Variants in ELF2 observed in about 807,000 individuals in gnomAD.
ELF2 encodes the protein E74 like ETS transcription factor 2.
A neutral mutation model predicts 54.8 loss-of-function variants in ELF2; 11 were observed. The ratio of observed to expected loss-of-function variants is 0.20; its 90% CI spans 0.13 to 0.33. ELF2 has a LOEUF of 0.33. Among genes scored for constraint, ELF2 ranks in the 10% least tolerant of loss-of-function variants. The pLI is 1.00. For synonymous variants in ELF2, 203 were observed against 245.1 expected, an observed-to-expected ratio of 0.83 and a Z score of 1.61; for missense variants, 513 against 703.0, an observed-to-expected ratio of 0.73 and a Z score of 3.06.
intron 9 of ELF2, 46 bp from the exon 10 acceptor site, chr4:139,059,653 G>C (rs780645027): frequency 1.3e-6 from 2 of 1,561,660 alleles, no homozygotes; most frequent in East Asian, 2.2e-5. Flanking sequence ...AATGCCAACT[G>C]AGAAAATAGG....
intron 4 of ELF2, chr4:139,084,215 G>C (rs769446912): frequency 6.2e-7 from 1 of 1,612,606 alleles, no homozygotes; most frequent in Non-Finnish European, 8.5e-7. Flanking sequence ...TGGAGCTGCT[G>C]CTTCACATTG....
chr4:139,139,634 A>G, intron 1 of ELF2, 137 bp from the exon 2 acceptor site: 3 of 357,810 alleles, frequency 8.4e-6, no homozygotes, highest in Non-Finnish European at 1.4e-5. Flanking sequence ...CATTCACATA[A>G]GGAATATAAT....
chr4:139,089,674 A>T (rs1732378380), intron 4 of ELF2, among the ~76,000 whole-genome samples: 1 of 152,194 alleles, frequency 6.6e-6, no homozygotes, highest in African/African-American at 2.4e-5. Flanking sequence ...CATTCTATCC[A>T]TGTCAGTATA....
chr4:139,176,281 G>A (rs1180889316), intron 1 of ELF2, among the ~76,000 whole-genome samples: 1 of 152,212 alleles, frequency 6.6e-6, no homozygotes, highest in African/African-American at 2.4e-5. Flanking sequence ...GTGCCGGCGT[G>A]GAGAGCGAGA....
upstream of ELF2, chr4:139,177,248 C>CCCCTCCCTCCACCCCCCGCCTCGGCT (rs1743057275): frequency 6.7e-6 from 1 of 148,898 alleles, no homozygotes; most frequent in South Asian, 2.1e-4. Flanking sequence ...CGCTCCCGGC[C>CCCCTCCCTCCACCCCCCGCCTCGGCT]CCCTCCCTCC....
intron 3 of ELF2, among the ~76,000 whole-genome samples, chr4:139,127,705 C>T (rs546875370): frequency 7.2e-5 from 11 of 152,192 alleles, no homozygotes; most frequent in Middle Eastern, 3.4e-3. Context: ...GGGTTCATGC[C>T]TGTAATCCCA....
chr4:139,068,017 C>G (rs930253528), intron 6 of ELF2, among the ~76,000 whole-genome samples: 1 of 151,984 alleles, frequency 6.6e-6, no homozygotes, highest in African/African-American at 2.4e-5. Flanking sequence ...TTGGTCAGAG[C>G]CTTGATTTGC....
At chr4:139,128,675 C>G (rs1186315828) in intron 3 of ELF2, among the ~76,000 whole-genome samples, 4 of 151,828 alleles carry the variant, frequency 2.6e-5, no homozygotes, top group African/African-American at 9.7e-5. Flanking sequence ...GCATGTGCCA[C>G]CACTCCCAGC....
chr4:139,058,733 A>G lies in ELF2; in HGVS notation c.*250T>C. ...GTAGTGAGCTGCTTGGTCCCTTTCG[A>G]TCCTTTTTCTTATTGATGGGTTCAG... On this transcript the variant is annotated 3_prime_UTR_variant, in exon 10 of 10. Coordinates refer to ENST00000686138, the MANE Select transcript of ELF2 (RefSeq NM_001331036.3). 2.3e-6 allele frequency: 1 copy of G among 435,750 alleles called. No individual in the cohort carries two copies. The highest frequency in any genetic ancestry group is 4.0e-6 in the Non-Finnish European group (1 of 250,296). The allele number at this position is 435,750 out of a possible 1,614,324, so 27.0% of individuals were successfully genotyped here.
At chr4:139,145,776 A>G (rs1739169177) in intron 1 of ELF2, among the ~76,000 whole-genome samples, 1 of 152,126 alleles carries the variant, frequency 6.6e-6, no homozygotes. Context: ...ATAAACAATT[A>G]AAAACAAAAA....
intron 4 of ELF2, among the ~76,000 whole-genome samples, chr4:139,119,612 T>C (rs1470812694): frequency 6.6e-6 from 1 of 152,208 alleles, no homozygotes; most frequent in Non-Finnish European, 1.5e-5. Context: ...GAAACAGCAA[T>C]TATTGCTAGG....
chr4:139,144,411 G>A (rs1449978798), intron 1 of ELF2, among the ~76,000 whole-genome samples: 1 of 152,172 alleles, frequency 6.6e-6, no homozygotes, highest in Non-Finnish European at 1.5e-5. Flanking sequence ...ACAAAGTTCT[G>A]CCAACCAACT....
intron 4 of ELF2, among the ~76,000 whole-genome samples, chr4:139,093,994 G>A (rs1732972176): frequency 6.7e-6 from 1 of 149,464 alleles, no homozygotes; most frequent in Non-Finnish European, 1.5e-5. Flanking sequence ...CGCCTCTCGG[G>A]TTCGAGCGAT....
chr4:139,103,760 C>G (rs947928243), intron 4 of ELF2, among the ~76,000 whole-genome samples: 4 of 152,234 alleles, frequency 2.6e-5, no homozygotes, highest in Non-Finnish European at 4.4e-5. Context: ...ACAGAACTGA[C>G]TGACTAGTTT....
At chr4:139,120,881 A>G (rs1736239914) in intron 4 of ELF2, among the ~76,000 whole-genome samples, 1 of 152,120 alleles carries the variant, frequency 6.6e-6, no homozygotes, top group Admixed American at 6.6e-5. Context: ...TTGAATTTCA[A>G]TAGTCTACCC....
At chr4:139,072,386 G>C (rs1729638611) in intron 5 of ELF2, among the ~76,000 whole-genome samples, 1 of 152,104 alleles carries the variant, frequency 6.6e-6, no homozygotes, top group South Asian at 2.1e-4. Flanking sequence ...GTATAATAGT[G>C]AGTTAGTTAA....
chr4:139,143,384 T>C (rs754388217), intron 1 of ELF2, among the ~76,000 whole-genome samples: 5 of 152,248 alleles, frequency 3.3e-5, no homozygotes, highest in Non-Finnish European at 5.9e-5. Flanking sequence ...CTCCCTTCAC[T>C]GTTGCAAGCT....
chr4:139,111,203 G>A (rs1734913476), intron 4 of ELF2, among the ~76,000 whole-genome samples: 1 of 152,010 alleles, frequency 6.6e-6, no homozygotes, highest in Non-Finnish European at 1.5e-5. Flanking sequence ...TGATGCCAGT[G>A]GAAATAAAAA....
rs1727207113 is a variant in ELF2 at position 139,057,426 on chromosome 4, A to G, written c.*1557T>C. On this transcript the variant is annotated 3_prime_UTR_variant, in exon 10 of 10. Coordinates refer to ENST00000686138, the MANE Select transcript of ELF2 (RefSeq NM_001331036.3). ...ATTTCTAAAACATGTAAAAATAGAT[A>G]ACTTTTCTTTGTAGTAGAAAGAGCA... is the stretch of plus-strand genomic sequence containing the variant. 6.6e-6 allele frequency: 1 copy of G among 152,218 alleles called. No homozygotes were observed. The highest frequency in any genetic ancestry group is 1.5e-5 in the Non-Finnish European group (1 of 68,032). 9.4% of individuals were successfully genotyped at this position (152,218 alleles called of 1,614,324 possible). A position where few individuals can be genotyped will look rare whatever the true frequency, so the allele number is the denominator to read the frequency against.
Sources: gnomAD v4.1 joint callset for allele counts (sites outside exome capture counted in the v4.1 genomes callset) on GRCh38, gnomAD v4.1.1 for gene constraint, MANE v1.5 for transcripts, NCBI Gene and HGNC (gene_info 2026-07-23, HGNC 2026-07-21) for gene names.